The following MSRA variants were observed in gnomAD, a reference collection of about 807,000 sequenced individuals.
MSRA encodes the protein mitochondrial peptide methionine sulfoxide reductase.
Under a neutral mutation model 31.3 loss-of-function variants are expected in MSRA, and 54 were observed. The observed-to-expected ratio is 1.73, with a 90% CI of 1.39 to 2.17. The LOEUF (loss-of-function observed/expected upper bound fraction) is 2.17, where lower values mean the gene tolerates loss of function less well. Among genes scored for constraint, MSRA ranks in the 30% most tolerant of loss-of-function variants. The probability of loss-of-function intolerance (pLI) is 0.00; values close to 1 mark genes in which losing one functional copy is unlikely to be tolerated. For missense variants in MSRA, 507 were observed against 300.9 expected (o/e 1.69, Z -5.07); for synonymous variants, 169 against 116.5 (o/e 1.45, Z -2.90).
chr8:10,377,993 A>G (rs1324239032), intron 5 of MSRA, among the ~76,000 whole-genome samples: 1 of 152,220 alleles, frequency 6.6e-6, no homozygotes, highest in East Asian at 1.9e-4. Context: ...CCAGAACAGA[A>G]GCTTCTAATC....
At chr8:10,149,952 G>T (rs1461433536) in intron 1 of MSRA, among the ~76,000 whole-genome samples, 5 of 7,490 alleles carry the variant, frequency 6.7e-4, no homozygotes, top group Non-Finnish European at 1.0e-3. Flanking sequence ...ACAAATAGTT[G>T]CTGGTAAGTG....
chr8:10,328,054 G>GTTTTTTTTTTT (rs1563356091), intron 5 of MSRA, among the ~76,000 whole-genome samples: 2 of 58,946 alleles, frequency 3.4e-5, no homozygotes, highest in African/African-American at 1.8e-4. Flanking sequence ...TTTTTTTTTA[G>GTTTTTTTTTTT]TATCAGTGAC....
intron 1 of MSRA, among the ~76,000 whole-genome samples, chr8:10,203,753 A>G (rs185069141): frequency 8.8e-4 from 134 of 152,362 alleles, no homozygotes; most frequent in African/African-American, 3.1e-3. Context: ...ACTGTAAAAT[A>G]GCCTGAGGCA....
intron 3 of MSRA, among the ~76,000 whole-genome samples, chr8:10,246,367 A>G (rs1270515248): frequency 6.6e-6 from 1 of 152,126 alleles, no homozygotes; most frequent in Admixed American, 6.5e-5. Context: ...GACCTAAAGG[A>G]TTTCCTTTCC....
At chr8:10,227,947 C>T (rs1811142096) in intron 2 of MSRA, among the ~76,000 whole-genome samples, 1 of 152,144 alleles carries the variant, frequency 6.6e-6, no homozygotes, top group South Asian at 2.1e-4. Context: ...GAAATGTTTA[C>T]ATTTTTTGCC....
chr8:10,356,943 G>A (rs568412962), intron 5 of MSRA, among the ~76,000 whole-genome samples: 6 of 147,188 alleles, frequency 4.1e-5, no homozygotes, highest in East Asian at 2.0e-4. Context: ...TTTAAAACAC[G>A]CAGCTTGCCC....
intron 1 of MSRA, among the ~76,000 whole-genome samples, chr8:10,155,968 C>G (rs1301775015): frequency 1.3e-5 from 2 of 152,140 alleles, no homozygotes; most frequent in Non-Finnish European, 2.9e-5. Context: ...ATTCTCTGTG[C>G]TTTTGCAATG....
chr8:10,326,902 C>A (rs1481233969), intron 5 of MSRA, among the ~76,000 whole-genome samples: 2 of 152,148 alleles, frequency 1.3e-5, no homozygotes, highest in South Asian at 2.1e-4. Context: ...ATTCTTCCAT[C>A]CTGAGAATGT....
At chr8:10,056,814 C>T (rs1030748708) in intron 1 of MSRA, among the ~76,000 whole-genome samples, 4 of 152,102 alleles carry the variant, frequency 2.6e-5, no homozygotes, top group Admixed American at 6.5e-5. Context: ...ACAACTCCTC[C>T]CTTCTCTATA....
At chr8:10,128,993 C>T (rs1438072213) in intron 1 of MSRA, among the ~76,000 whole-genome samples, 1 of 152,150 alleles carries the variant, frequency 6.6e-6, no homozygotes, top group Non-Finnish European at 1.5e-5. Flanking sequence ...ATATAATATG[C>T]TTTCTCTCTT....
intron 5 of MSRA, among the ~76,000 whole-genome samples, chr8:10,383,020 G>C (rs1806168505): frequency 6.6e-6 from 1 of 152,252 alleles, no homozygotes; most frequent in Non-Finnish European, 1.5e-5. Flanking sequence ...ATGGGCAAGA[G>C]GTAGGGGCTT....
At chr8:10,129,520 A>G (rs908987480) in intron 1 of MSRA, among the ~76,000 whole-genome samples, 49 of 152,108 alleles carry the variant, frequency 3.2e-4, no homozygotes, top group African/African-American at 1.2e-3. Flanking sequence ...CCTCTGATGC[A>G]GGGAAACTGA....
At chr8:10,312,269 G>A (rs539704635) in intron 4 of MSRA, among the ~76,000 whole-genome samples, 8 of 152,294 alleles carry the variant, frequency 5.3e-5, no homozygotes, top group African/African-American at 1.9e-4. Flanking sequence ...GCTCTGGGAA[G>A]TTGTTCAAGG....
intron 2 of MSRA, among the ~76,000 whole-genome samples, chr8:10,243,181 C>A (rs1469817474): frequency 6.6e-6 from 1 of 152,202 alleles, no homozygotes; most frequent in African/African-American, 2.4e-5. Context: ...GATTCTGGTG[C>A]TCTCTGGTGC....
intron 4 of MSRA, among the ~76,000 whole-genome samples, chr8:10,314,751 A>G (rs1163178016): frequency 6.6e-6 from 1 of 152,246 alleles, no homozygotes; most frequent in Non-Finnish European, 1.5e-5. Context: ...GGTAGAATGT[A>G]TAAATCCATT....
intron 5 of MSRA, among the ~76,000 whole-genome samples, chr8:10,357,656 C>G (rs1452870884): frequency 6.6e-6 from 1 of 152,204 alleles, no homozygotes; most frequent in East Asian, 1.9e-4. Flanking sequence ...CACCATTTCT[C>G]CAAGAAATCT....
intron 1 of MSRA, among the ~76,000 whole-genome samples, chr8:10,061,607 C>T (rs146370186): frequency 6.6e-6 from 1 of 152,158 alleles, no homozygotes; most frequent in Non-Finnish European, 1.5e-5. Context: ...ACTCACAGCA[C>T]TTCACCAAGA....
chr8:10,082,576 A>G (rs1196129181), intron 1 of MSRA, among the ~76,000 whole-genome samples: 1 of 152,042 alleles, frequency 6.6e-6, no homozygotes, highest in Non-Finnish European at 1.5e-5. Context: ...TCCAAATCCT[A>G]CCAAGTTGTT....
intron 2 of MSRA, among the ~76,000 whole-genome samples, chr8:10,233,446 T>A (rs532743218): frequency 6.6e-6 from 1 of 152,252 alleles, no homozygotes; most frequent in Non-Finnish European, 1.5e-5. Flanking sequence ...AATGTGTGTT[T>A]AGGATGTTCA....
Sources: gnomAD v4.1 joint callset for allele counts (sites outside exome capture counted in the v4.1 genomes callset) on GRCh38, gnomAD v4.1.1 for gene constraint, MANE v1.5 for transcripts, NCBI Gene and HGNC (gene_info 2026-07-23, HGNC 2026-07-21) for gene names.